Variants in CYTH1 observed in about 807,000 individuals in gnomAD.
CYTH1 encodes cytohesin-1.
In CYTH1, 18 loss-of-function variants were observed where a neutral mutation model predicts 61.8. The ratio of observed to expected loss-of-function variants is 0.29; its 90% CI spans 0.20 to 0.43. CYTH1 has a LOEUF of 0.43. Among genes scored for constraint, CYTH1 ranks in the 20% least tolerant of loss-of-function variants. The pLI is 1.00. For missense variants in CYTH1, 336 were observed against 510.5 expected (o/e 0.66, Z 3.29); for synonymous variants, 174 against 184.3 (o/e 0.94, Z 0.45).
chr17:78,748,458 C>T (rs1026802726), intron 1 of CYTH1, among the ~76,000 whole-genome samples: 2 of 152,222 alleles, frequency 1.3e-5, no homozygotes, highest in Non-Finnish European at 2.9e-5. Flanking sequence ...GGAAAGCTCA[C>T]TGTTTAACTG....
intron 1 of CYTH1, among the ~76,000 whole-genome samples, chr17:78,762,934 T>C (rs1054283566): frequency 6.6e-6 from 1 of 152,240 alleles, no homozygotes; most frequent in Admixed American, 6.5e-5. Flanking sequence ...AACTGTAAGA[T>C]AATAATGTAT....
chr17:78,676,606 T>C, intron 13 of CYTH1: 1 of 276,754 alleles, frequency 3.6e-6, no homozygotes, highest in Non-Finnish European at 7.0e-6. Context: ...GGCATGGTAA[T>C]GCAGTGGGGC....
chr17:78,684,767 T>C (rs2092799040), intron 11 of CYTH1, among the ~76,000 whole-genome samples: 2 of 152,216 alleles, frequency 1.3e-5, no homozygotes, highest in Admixed American at 6.5e-5. Flanking sequence ...ACACATTCTA[T>C]TTTAATTGTT....
chr17:78,769,053 C>G lies in CYTH1; in HGVS notation c.22+13149G>C, dbSNP rs143303372. On this transcript the variant is annotated intron_variant, in intron 1 of 13. Coordinates refer to ENST00000446868, the MANE Select transcript of CYTH1 (RefSeq NM_004762.6). ...CACAGCTACTCAGGAGGCTGAGGCA[C>G]GAGAATCACTTGAACCCAGGAGGCA... 5.1e-4 allele frequency among the ~76,000 whole-genome samples: 77 copies of G among 151,200 alleles called. No homozygotes were observed. In the Middle Eastern group the frequency reaches 0.014, roughly 27 times the overall value.
intron 10 of CYTH1, among the ~76,000 whole-genome samples, chr17:78,694,197 T>G (rs751889061): frequency 1.3e-5 from 2 of 152,226 alleles, no homozygotes; most frequent in Non-Finnish European, 2.9e-5. Context: ...GCACCCTGCT[T>G]GGATGCTGAA....
intron 1 of CYTH1, among the ~76,000 whole-genome samples, chr17:78,749,823 G>C (rs2093372932): frequency 6.6e-6 from 1 of 151,748 alleles, no homozygotes; most frequent in Admixed American, 6.6e-5. Flanking sequence ...ACATTGTTCA[G>C]ATGTTTCTCT....
At position 78,708,189 on chromosome 17, in the gene CYTH1, A is replaced by G; in HGVS notation, c.170+8T>C. Reference sequence around the variant, plus strand: ...CACAGAAGCCACCTGGCAGCAGGGCAGACTCACCTTTCCTCTGTGGATCCC... The same window carrying G: ...CACAGAAGCCACCTGGCAGCAGGGCGGACTCACCTTTCCTCTGTGGATCCC... On this transcript the variant is annotated splice_region_variant and intron_variant, in intron 3 of 13. Transcript: ENST00000446868. 6.2e-7 allele frequency: 1 copy of G among 1,614,096 alleles called. No individual in the cohort carries two copies. Among genetic ancestry groups the G allele is most frequent in the Non-Finnish European group, 8.5e-7 (1 of 1,179,966 alleles).
intron 1 of CYTH1, among the ~76,000 whole-genome samples, chr17:78,778,782 AAAT>A (rs914162003): frequency 3.3e-5 from 5 of 152,308 alleles, no homozygotes; most frequent in Middle Eastern, 3.4e-3. Flanking sequence ...ACTATTTAAA[AAAT>A]AATAATAATA....
chr17:78,763,905 G>GT (rs2093438345), intron 1 of CYTH1, among the ~76,000 whole-genome samples: 1 of 152,176 alleles, frequency 6.6e-6, no homozygotes, highest in Non-Finnish European at 1.5e-5. Flanking sequence ...GAGGTCAGGA[G>GT]TTTGAGACCA....
At chr17:78,720,174 C>T (rs1383887903) in intron 1 of CYTH1, among the ~76,000 whole-genome samples, 1 of 151,906 alleles carries the variant, frequency 6.6e-6, no homozygotes, top group Non-Finnish European at 1.5e-5. Flanking sequence ...CTGGATTGCA[C>T]AATAATATGA....
intron 11 of CYTH1, among the ~76,000 whole-genome samples, chr17:78,689,488 A>T (rs1162978006): frequency 6.6e-6 from 1 of 152,078 alleles, no homozygotes; most frequent in Non-Finnish European, 1.5e-5. Context: ...GCCGCCACTG[A>T]TCTGACAGGA....
At chr17:78,782,139 G>A in intron 1 of CYTH1, 63 bp downstream of exon 1, 2 of 1,245,522 alleles carry the variant, frequency 1.6e-6, no homozygotes, top group Non-Finnish European at 2.0e-6. Context: ...CTGCCGGACG[G>A]CCGGGCCCGG....
rs761274818 is a variant in CYTH1, at chr17:78,778,857, T to C, written c.22+3345A>G. 2.8e-4 allele frequency among the ~76,000 whole-genome samples: 42 copies of C among 152,294 alleles called. No individual in the cohort carries two copies. The Middle Eastern group carries it at 0.02, about 74-fold the overall frequency. On this transcript the variant is annotated intron_variant, in intron 1 of 13. Coordinates refer to ENST00000446868, the MANE Select transcript of CYTH1 (RefSeq NM_004762.6). Reference sequence around the variant, plus strand: ...GGTGACGTCTGAACACGTCATGTTATATGCTTTATGAATCCATCACACACA... The same window carrying C: ...GGTGACGTCTGAACACGTCATGTTACATGCTTTATGAATCCATCACACACA...
At chr17:78,748,227 C>T (rs1023423914) in intron 1 of CYTH1, among the ~76,000 whole-genome samples, 3 of 152,134 alleles carry the variant, frequency 2.0e-5, no homozygotes, top group African/African-American at 7.2e-5. Context: ...CTGAGAGCTA[C>T]GAGTCCTATC....
At chr17:78,689,432 G>A (rs957478716) in intron 11 of CYTH1, among the ~76,000 whole-genome samples, 1 of 152,130 alleles carries the variant, frequency 6.6e-6, no homozygotes, top group African/African-American at 2.4e-5. Context: ...TAGATCTCTG[G>A]CCCATACAAT....
At chr17:78,728,380 T>C (rs1003471117) in intron 1 of CYTH1, among the ~76,000 whole-genome samples, 10 of 152,144 alleles carry the variant, frequency 6.6e-5, no homozygotes, top group African/African-American at 2.4e-4. Flanking sequence ...ACCCCATCTC[T>C]ACTAAAAATA....
intron 3 of CYTH1, among the ~76,000 whole-genome samples, 172 bp from the exon 4 acceptor site, chr17:78,702,776 G>GGCTCCAA (rs906822116): frequency 4.6e-5 from 7 of 152,156 alleles, no homozygotes; most frequent in Non-Finnish European, 1.0e-4. Context: ...GCCTGAACCT[G>GGCTCCAA]GCTCCAAGCT....
Position 78,702,214 on chromosome 17 carries a change from G to T in CYTH1, c.264C>A (p.Asp88Glu). ...KKGIQFLIEN[D>E]LLKNTCEDIA... The stretch of plus-strand genomic sequence containing the variant: ...TGTCTTCACAAGTGTTCTTCAGGAG[G>T]TCGTTCTCTATTAAGAACTGGATCC... Residue 88 changes from aspartate (D) to glutamate (E), a missense_variant, in exon 5 of 14, where the codon GAC (aspartate) becomes GAA (glutamate). This residue lies in a region of CYTH1 where 112 missense variants were observed against 127.1 expected (regional missense o/e 0.88). Transcript: ENST00000446868. 6.2e-7 allele frequency: 1 copy of T among 1,614,108 alleles called. No individual in the cohort carries two copies. Among genetic ancestry groups the T allele is most frequent in the South Asian group, 1.1e-5 (1 of 91,080 alleles).
chr17:78,720,157 C>T (rs1323716738), intron 1 of CYTH1, among the ~76,000 whole-genome samples: 1 of 151,926 alleles, frequency 6.6e-6, no homozygotes, highest in African/African-American at 2.4e-5. Flanking sequence ...TGAAAAAGTT[C>T]TAGAGACTGG....
Sources: gnomAD v4.1 joint callset for allele counts (sites outside exome capture counted in the v4.1 genomes callset) on GRCh38, gnomAD v4.1.1 for gene constraint, gnomAD v4.1.1 regional missense constraint, MANE v1.5 for transcripts, NCBI Gene and HGNC (gene_info 2026-07-23, HGNC 2026-07-21) for gene names.